Variants in KIF2A observed in about 807,000 individuals in gnomAD.
KIF2A encodes kinesin-like protein KIF2A.
A neutral mutation model predicts 100.2 loss-of-function variants in KIF2A; 22 were observed. The observed-to-expected ratio is 0.22, with a 90% confidence interval of 0.16 to 0.31. KIF2A has a LOEUF of 0.31. Among genes scored for constraint, KIF2A ranks in the 10% least tolerant of loss-of-function variants. The pLI is 1.00. For missense variants in KIF2A, 495 were observed against 898.7 expected (o/e 0.55, Z 5.74); for synonymous variants, 268 against 285.9 (o/e 0.94, Z 0.63).
At chr5:62,342,925 T>G (rs1246257226) in intron 1 of KIF2A, among the ~76,000 whole-genome samples, 1 of 152,012 alleles carries the variant, frequency 6.6e-6, no homozygotes, top group Non-Finnish European at 1.5e-5. Flanking sequence ...GATAATTTTG[T>G]ATTTTTAGTA....
chr5:62,332,084 C>T (rs1746685645), intron 1 of KIF2A, among the ~76,000 whole-genome samples: 1 of 152,152 alleles, frequency 6.6e-6, no homozygotes, highest in South Asian at 2.1e-4. Flanking sequence ...CATTTCTTAG[C>T]CTCACAGCTG....
chr5:62,365,094 A>C, intron 14 of KIF2A, 149 bp from the exon 15 acceptor site: 1 of 439,104 alleles, frequency 2.3e-6, no homozygotes, highest in Non-Finnish European at 4.0e-6. Flanking sequence ...CTTTGTCTCA[A>C]AAAAAAAATA....
intron 16 of KIF2A, among the ~76,000 whole-genome samples, chr5:62,370,328 A>G (rs1741263724): frequency 1.3e-5 from 2 of 151,994 alleles, no homozygotes; most frequent in Admixed American, 1.3e-4. Context: ...GAGTCTTGCT[A>G]TGTCACCCAG....
In KIF2A at chr5:62,385,503, T is replaced by C. The variant is rs766759237; in HGVS notation, c.2169T>C (p.Arg723=). The C allele has an allele frequency of 9.4e-6, 15 of 1,588,844 alleles. No individual in the cohort carries two copies. In the East Asian group the frequency reaches 3.4e-4, roughly 36 times the overall value. The change falls in exon 21 of 21, where the codon CGT becomes CGC. Residue 723 remains arginine (R), a synonymous_variant. Transcript: ENST00000407818. ...TELRDKVKSF[R]AALQEEEQAS... is the part of the protein sequence containing the mutation. ...TCCAAGATAAAGTGAAATCTTTCCG[T>C]GCAGCTCTACAAGAGGAGGAACAAG...
chr5:62,389,076 AT>A lies in KIF2A; in HGVS notation c.*3508del, dbSNP rs1168182402. 1 of 1,605,878 alleles carries A rather than the reference AT, an allele frequency of 6.2e-7. No homozygotes were observed. The highest frequency in any genetic ancestry group is 8.5e-7 in the Non-Finnish European group (1 of 1,174,668). On this transcript the variant is annotated 3_prime_UTR_variant, in exon 21 of 21. Coordinates refer to ENST00000407818, the MANE Select transcript of KIF2A (RefSeq NM_001098511.3). ...ATCTGAAAAAAGAAATCAAAATGGA[AT>A]GGTACTGAAAAGCTAATTTGTAGCA...
Position 62,389,511 on chromosome 5 carries a change from T to C in KIF2A, c.*3942T>C, listed in dbSNP as rs921416446. On this transcript the variant is annotated 3_prime_UTR_variant, in exon 21 of 21. Transcript: ENST00000407818. ...AAAAAAAAAAAAAAAAGAAATGTTA[T>C]TGTCTGACTAAATTTATAAGATATG... 9.2e-6 allele frequency among the ~76,000 whole-genome samples: 1 copy of C among 108,796 alleles called. No homozygotes were observed. The highest frequency in any genetic ancestry group is 1.9e-5 in the Non-Finnish European group (1 of 52,156). 71.4% of individuals were successfully genotyped at this position (108,796 alleles called of 152,430 possible).
chr5:62,308,549 C>A lies in KIF2A; in HGVS notation c.64+2013C>A, dbSNP rs79686531. The A allele has an allele frequency of 1.1e-5, 8 of 702,588 alleles. No individual in the cohort carries two copies. The African/African-American group carries it at 1.4e-4, about 12-fold the overall frequency. The allele number at this position is 702,588 out of a possible 1,614,324, so 43.5% of individuals were successfully genotyped here. On this transcript the variant is annotated intron_variant, in intron 1 of 20. Coordinates refer to ENST00000407818, the MANE Select transcript of KIF2A (RefSeq NM_001098511.3). Reference sequence around the variant, plus strand: ...TAAAGAAATTATGTGTGTGTGTATACGTTTATGTGTGTGTATAGACAATGT... The same window carrying A: ...TAAAGAAATTATGTGTGTGTGTATAAGTTTATGTGTGTGTATAGACAATGT...
intron 1 of KIF2A, chr5:62,308,315 A>G: frequency 7.2e-7 from 1 of 1,395,966 alleles, no homozygotes. Context: ...TTAGGTAAAT[A>G]CGAGTTCACA....
Position 62,370,700 on chromosome 5 carries a change from CA to C in KIF2A, c.1647-1737del, listed in dbSNP as rs543560843. Among the ~76,000 whole-genome samples the C allele has an allele frequency of 1.1e-3, 175 of 152,216 alleles. 1 individual carries two copies. Among genetic ancestry groups the C allele is most frequent in the African/African-American group, 4.1e-3 (171 of 41,526 alleles). ...ATTTATAGGATATATGAGAAATAGA[CA>C]GTGGCCTCTATCCTGAAGCAGAGAT... On this transcript the variant is annotated intron_variant, in intron 16 of 20. Coordinates refer to ENST00000407818, the MANE Select transcript of KIF2A (RefSeq NM_001098511.3).
intron 1 of KIF2A, 80 bp downstream of exon 1, chr5:62,306,616 C>T (rs1011624428): frequency 6.0e-6 from 7 of 1,160,952 alleles, no homozygotes; most frequent in South Asian, 5.5e-5. Flanking sequence ...CGCCGGCCGC[C>T]TCATTGATTG....
At chr5:62,377,344 C>G (rs1335682262) in intron 18 of KIF2A, among the ~76,000 whole-genome samples, 1 of 152,074 alleles carries the variant, frequency 6.6e-6, no homozygotes, top group Non-Finnish European at 1.5e-5. Flanking sequence ...ACATTTACAG[C>G]CTGCAATAAC....
At chr5:62,359,342 T>A (rs1034658830) in intron 9 of KIF2A, among the ~76,000 whole-genome samples, 1 of 152,082 alleles carries the variant, frequency 6.6e-6, no homozygotes, top group African/African-American at 2.4e-5. Context: ...TTCATAAAAA[T>A]GCCTAGAAAG....
At chr5:62,318,203 C>T (rs764481308) in intron 1 of KIF2A, among the ~76,000 whole-genome samples, 5 of 152,192 alleles carry the variant, frequency 3.3e-5, no homozygotes, top group Non-Finnish European at 7.4e-5. Flanking sequence ...CTGCCTCAGC[C>T]TCCTCAGTAG....
chr5:62,354,807 A>G (rs776685246), intron 6 of KIF2A, among the ~76,000 whole-genome samples: 31 of 152,192 alleles, frequency 2.0e-4, no homozygotes, highest in Non-Finnish European at 2.9e-4. Context: ...GCCAGTGGTA[A>G]CATGAGCATT....
chr5:62,361,887 C>T (rs1226487862), intron 11 of KIF2A, among the ~76,000 whole-genome samples: 7 of 151,506 alleles, frequency 4.6e-5, no homozygotes, highest in African/African-American at 9.7e-5. Flanking sequence ...CTTAGCCAGG[C>T]GTGGTGGCGG....
chr5:62,312,918 G>A (rs931088909), intron 1 of KIF2A, among the ~76,000 whole-genome samples: 1 of 152,160 alleles, frequency 6.6e-6, no homozygotes, highest in East Asian at 1.9e-4. Flanking sequence ...AATAAAACAC[G>A]AAGTTCAGAT....
intron 1 of KIF2A, among the ~76,000 whole-genome samples, chr5:62,315,004 C>G (rs1242569651): frequency 6.6e-6 from 1 of 151,784 alleles, no homozygotes; most frequent in Admixed American, 6.6e-5. Context: ...CTCAAGTGAT[C>G]CACCTGCCTC....
At chr5:62,311,426 G>A (rs952546928) in intron 1 of KIF2A, among the ~76,000 whole-genome samples, 6 of 152,114 alleles carry the variant, frequency 3.9e-5, no homozygotes, top group Admixed American at 6.5e-5. Context: ...AAGTATTCTT[G>A]TTTCTTAGTT....
intron 1 of KIF2A, among the ~76,000 whole-genome samples, chr5:62,342,739 T>A (rs1747358223): frequency 1.3e-5 from 2 of 151,468 alleles, no homozygotes; most frequent in Non-Finnish European, 2.9e-5. Context: ...GTTTTCATTA[T>A]TTTTTATTTT....
Sources: gnomAD v4.1 joint callset for allele counts (sites outside exome capture counted in the v4.1 genomes callset) on GRCh38, gnomAD v4.1.1 for gene constraint, MANE v1.5 for transcripts, NCBI Gene and HGNC (gene_info 2026-07-23, HGNC 2026-07-21) for gene names.